Variants in CCDC7 observed in about 807,000 individuals in gnomAD.
The protein encoded by CCDC7 is coiled-coil domain-containing protein 7.
A neutral mutation model predicts 196.9 loss-of-function variants in CCDC7; 183 were observed. The observed-to-expected ratio is 0.93, with a 90% CI of 0.82 to 1.05. The LOEUF (loss-of-function observed/expected upper bound fraction) is 1.05. Among genes scored for constraint, CCDC7 ranks in the 50% least tolerant of loss-of-function variants. The pLI is 0.00. For missense variants in CCDC7, 1,540 were observed against 1,482.2 expected (o/e 1.04, Z -0.64); for synonymous variants, 525 against 484.6 (o/e 1.08, Z -1.10).
chr10:32,846,507 C>T (rs1190202417), intron 37 of CCDC7, 48 bp downstream of exon 38: 1 of 1,190,190 alleles, frequency 8.4e-7, no homozygotes, highest in African/African-American at 1.5e-5. Flanking sequence ...TATTTATGTT[C>T]CCTGAGTTAA....
chr10:32,825,679 G>A (rs559804132), intron 32 of CCDC7, among the ~76,000 whole-genome samples: 1 of 152,226 alleles, frequency 6.6e-6, no homozygotes, highest in East Asian at 1.9e-4. Context: ...GGAGTTGGCT[G>A]CTTAATGTGA....
chr10:32,704,816 C>T (rs544046463), intron 24 of CCDC7, among the ~76,000 whole-genome samples: 19 of 152,258 alleles, frequency 1.2e-4, no homozygotes, highest in African/African-American at 3.8e-4. Context: ...CCGAGCCAGG[C>T]GCGGGATATA....
intron 31 of CCDC7, among the ~76,000 whole-genome samples, chr10:32,817,601 C>A (rs113439063): frequency 6.6e-6 from 1 of 152,194 alleles, no homozygotes; most frequent in Non-Finnish European, 1.5e-5. Context: ...GGTCAGGTTA[C>A]CCACAAAGGG....
At chr10:32,805,229 C>A in intron 30 of CCDC7, 131 bp downstream of exon 31, 2 of 641,428 alleles carry the variant, frequency 3.1e-6, no homozygotes, top group Non-Finnish European at 5.5e-6. Context: ...AATACCCTCC[C>A]ATATTTGGTT....
intron 28 of CCDC7, among the ~76,000 whole-genome samples, chr10:32,738,473 CTTTTTTT>C (rs33944221): frequency 5.5e-5 from 6 of 109,678 alleles, no homozygotes; most frequent in East Asian, 2.7e-4. Context: ...GTTTCTTTCA[CTTTTTTT>C]TTTTTTTTTT....
At chr10:32,873,342 G>C (rs893287250) in intron 41 of CCDC7, among the ~76,000 whole-genome samples, 1 of 151,900 alleles carries the variant, frequency 6.6e-6, no homozygotes, top group African/African-American at 2.4e-5. Flanking sequence ...ACTGAGGCTT[G>C]TGCATTCATC....
intron 11 of CCDC7, among the ~76,000 whole-genome samples, chr10:32,538,454 T>C (rs1404212436): frequency 6.6e-6 from 1 of 152,210 alleles, no homozygotes; most frequent in African/African-American, 2.4e-5. Context: ...CTTCCTCTCT[T>C]CCTATCTGGA....
intron 16 of CCDC7, chr10:32,574,714 GA>G (rs2057994363): frequency 4.0e-6 from 1 of 247,068 alleles, no homozygotes; most frequent in African/African-American, 2.3e-5. Context: ...TTTTAGAAAT[GA>G]AAATGTGAAC....
chr10:32,702,973 T>G (rs910950476), intron 24 of CCDC7, among the ~76,000 whole-genome samples: 2 of 152,240 alleles, frequency 1.3e-5, no homozygotes, highest in African/African-American at 2.4e-5. Context: ...TTATCCAATT[T>G]GCCAGTCTGT....
At chr10:32,843,002 G>A (rs920510141) in intron 33 of CCDC7, among the ~76,000 whole-genome samples, 4 of 151,838 alleles carry the variant, frequency 2.6e-5, no homozygotes, top group Non-Finnish European at 5.9e-5. Flanking sequence ...CTGCTCAGGT[G>A]ATGGGTGCCC....
chr10:32,816,367 G>A (rs997610498), intron 31 of CCDC7, among the ~76,000 whole-genome samples: 10 of 152,342 alleles, frequency 6.6e-5, no homozygotes, highest in Admixed American at 6.5e-4. Context: ...GCCCACCGCA[G>A]CTCAAGGAGG....
upstream of CCDC7, chr10:32,451,541 A>G: frequency 6.9e-7 from 1 of 1,442,824 alleles, no homozygotes; most frequent in Non-Finnish European, 9.2e-7. Context: ...GTAGTATGTG[A>G]ATTTAATTAG....
At position 32,846,470 on chromosome 10, in the gene CCDC7, T is replaced by G. The variant is rs200026368; in HGVS notation, c.3688+11T>G. 1.4e-3 allele frequency: 2,148 copies of G among 1,526,454 alleles called. 8 individuals carry two copies. The highest frequency in any genetic ancestry group is 5.1e-3 in the Middle Eastern group (26 of 5,084). The allele number at this position is 1,526,454 out of a possible 1,614,324, so 94.6% of individuals were successfully genotyped here. On this transcript the variant is annotated intron_variant, in intron 37 of 41. Coordinates refer to ENST00000639629, the Ensembl canonical transcript of CCDC7. The stretch of plus-strand genomic sequence containing the variant: ...TAAAGAGTCACCAGGGTAAGAAAAA[T>G]AATTTTTGAGTCTAATATTTGTGAC...
At chr10:32,604,665 A>G (rs1004536572) in intron 18 of CCDC7, among the ~76,000 whole-genome samples, 1 of 151,818 alleles carries the variant, frequency 6.6e-6, no homozygotes, top group Non-Finnish European at 1.5e-5. Context: ...ATTTTTAGGT[A>G]TATTACTTTT....
chr10:32,753,774 A>G (rs758309072), intron 28 of CCDC7, among the ~76,000 whole-genome samples: 19 of 152,188 alleles, frequency 1.2e-4, no homozygotes, highest in Admixed American at 2.6e-4. Flanking sequence ...TGTTACCTTA[A>G]CAATTATGGT....
chr10:32,873,173 A>G (rs961301065), intron 41 of CCDC7, among the ~76,000 whole-genome samples: 19 of 152,226 alleles, frequency 1.2e-4, no homozygotes, highest in Admixed American at 1.0e-3. Context: ...TTTCAGGTAC[A>G]CCAATCAGAC....
chr10:32,451,822 A>C (rs1554834528), exon 1 of CCDC7: 2 of 1,614,218 alleles, frequency 1.2e-6, no homozygotes, highest in Non-Finnish European at 1.7e-6. Context: ...CAACAGGAGA[A>C]TCCATTTTAC....
intron 20 of CCDC7, among the ~76,000 whole-genome samples, chr10:32,659,293 G>A (rs1008956220): frequency 2.0e-4 from 30 of 152,096 alleles, no homozygotes; most frequent in African/African-American, 7.2e-4. Flanking sequence ...TTGACTCATT[G>A]GTTATCCAGG....
At chr10:32,570,344 A>T (rs999506299) in intron 15 of CCDC7, among the ~76,000 whole-genome samples, 5 of 152,164 alleles carry the variant, frequency 3.3e-5, no homozygotes, top group African/African-American at 1.2e-4. Context: ...TCAGGCTCAC[A>T]CCAGGACTAA....
Sources: gnomAD v4.1 joint callset for allele counts (sites outside exome capture counted in the v4.1 genomes callset) on GRCh38, gnomAD v4.1.1 for gene constraint, MANE v1.5 for transcripts, NCBI Gene and HGNC (gene_info 2026-07-23, HGNC 2026-07-21) for gene names.